Variants in ANXA4 observed in about 807,000 individuals in gnomAD.
ANXA4 encodes 35-beta calcimedin.
ANXA4 carries 39 observed loss-of-function variants against 49.8 expected under a neutral mutation model. The ratio of observed to expected loss-of-function variants is 0.78; its 90% CI spans 0.61 to 1.02. The LOEUF (loss-of-function observed/expected upper bound fraction) is 1.02, where lower values mean the gene tolerates loss of function less well. ANXA4 is among the 50% of genes least tolerant of loss of function. ANXA4 has a pLI of 0.00. For missense variants in ANXA4, 360 were observed against 410.1 expected, an observed-to-expected ratio of 0.88 and a Z score of 1.05; for synonymous variants, 134 against 152.5, an observed-to-expected ratio of 0.88 and a Z score of 0.89.
intron 1 of ANXA4, among the ~76,000 whole-genome samples, chr2:69,772,973 T>C (rs903486467): frequency 6.6e-6 from 1 of 151,404 alleles, no homozygotes; most frequent in African/African-American, 2.4e-5. Context: ...GCCGAGATCA[T>C]GCCACTGCAC....
At chr2:69,787,882 G>C (rs994060275) in intron 2 of ANXA4, among the ~76,000 whole-genome samples, 172 bp from the exon 3 acceptor site, 2 of 152,230 alleles carry the variant, frequency 1.3e-5, no homozygotes, top group Non-Finnish European at 2.9e-5. Flanking sequence ...CCATGAGCTA[G>C]AGCATCAGTC....
chr2:69,779,939 G>A (rs1324244860), intron 1 of ANXA4, among the ~76,000 whole-genome samples: 6 of 152,168 alleles, frequency 3.9e-5, no homozygotes, highest in Admixed American at 2.6e-4. Flanking sequence ...CCAGGTAATA[G>A]GGGGTAAGTC....
rs769069858 is a variant in ANXA4 at position 69,651,824 on chromosome 2, G to C, written n.482-1174G>C. 1.1e-3 allele frequency among the ~76,000 whole-genome samples: 55 copies of C among 51,766 alleles called. 2 individuals carry two copies. The highest frequency in any genetic ancestry group is 1.5e-3 in the African/African-American group (17 of 11,560). The allele number at this position is 51,766 out of a possible 152,430, so 34.0% of individuals were successfully genotyped here. Reference sequence around the variant, plus strand: ...GCTTTTTTTTTTTTTTTTTGGGGGGGGGGGGCGGGGAGACAGAGTCTCACT... The same window carrying C: ...GCTTTTTTTTTTTTTTTTTGGGGGGCGGGGGCGGGGAGACAGAGTCTCACT... On this transcript the variant is annotated intron_variant and non_coding_transcript_variant, in intron 1 of 3. Coordinates refer to the ANXA4 transcript ENST00000418066.
intron 2 of ANXA4, among the ~76,000 whole-genome samples, chr2:69,656,401 GTA>G (rs1224725900): frequency 1.5e-5 from 2 of 135,212 alleles, no homozygotes; most frequent in African/African-American, 2.8e-5. Flanking sequence ...GTATATATAT[GTA>G]TATATATGTA....
chr2:69,646,216 G>A (rs1386724131), intron 1 of ANXA4, among the ~76,000 whole-genome samples: 2 of 152,122 alleles, frequency 1.3e-5, no homozygotes, highest in African/African-American at 2.4e-5. Context: ...TTTAGTTCCT[G>A]AGTACAAAAT....
At chr2:69,814,304 CAG>C (rs932508591) in intron 8 of ANXA4, among the ~76,000 whole-genome samples, 4 of 149,028 alleles carry the variant, frequency 2.7e-5, no homozygotes, top group African/African-American at 5.0e-5. Context: ...GATCTAGCCT[CAG>C]AGATCAGTGT....
intron 3 of ANXA4, among the ~76,000 whole-genome samples, chr2:69,801,883 C>T (rs1457171249): frequency 6.6e-6 from 1 of 152,108 alleles, no homozygotes; most frequent in Non-Finnish European, 1.5e-5. Flanking sequence ...GACCCACAGG[C>T]ACTGGCTGGG....
chr2:69,670,610 A>G (rs766230392), intron 2 of ANXA4, among the ~76,000 whole-genome samples: 15 of 152,116 alleles, frequency 9.9e-5, no homozygotes, highest in Non-Finnish European at 1.3e-4. Context: ...CCAGAAATTG[A>G]CCTATGGATA....
chr2:69,741,984 C>G (rs1202572206), upstream of ANXA4: 1 of 152,286 alleles, frequency 6.6e-6, no homozygotes, highest in African/African-American at 2.4e-5. Context: ...GCGCGGCCGT[C>G]CCGGCCCGGG....
chr2:69,817,700 G>C (rs371931056), intron 9 of ANXA4: 1 of 152,180 alleles, frequency 6.6e-6, no homozygotes, highest in Non-Finnish European at 1.5e-5. Context: ...CTAAAGCAGA[G>C]TTTCTGAAGT....
intron 12 of ANXA4, among the ~76,000 whole-genome samples, chr2:69,821,723 A>T (rs899491702): frequency 1.3e-5 from 2 of 152,028 alleles, no homozygotes; most frequent in African/African-American, 4.8e-5. Flanking sequence ...AAGTGCTGGG[A>T]TTACAGGTGT....
chr2:69,748,679 A>G (rs965577460), intron 1 of ANXA4, among the ~76,000 whole-genome samples: 4 of 150,644 alleles, frequency 2.7e-5, no homozygotes, highest in African/African-American at 9.8e-5. Flanking sequence ...TTAATATTCC[A>G]GTGGGGTGCA....
intron 1 of ANXA4, among the ~76,000 whole-genome samples, chr2:69,763,913 G>A (rs575645801): frequency 2.0e-5 from 3 of 151,930 alleles, no homozygotes; most frequent in Non-Finnish European, 4.4e-5. Flanking sequence ...TGCCCTCCTC[G>A]GCCTCCCAAA....
At chr2:69,812,495 C>T (rs878908448) in intron 7 of ANXA4, among the ~76,000 whole-genome samples, 158 bp from the exon 8 acceptor site, 1 of 152,146 alleles carries the variant, frequency 6.6e-6, no homozygotes, top group African/African-American at 2.4e-5. Flanking sequence ...TGTAATAATG[C>T]GAGCGCATTT....
At chr2:69,816,985 T>C (rs1049068083) in intron 9 of ANXA4, 3 of 152,198 alleles carry the variant, frequency 2.0e-5, no homozygotes, top group Non-Finnish European at 4.4e-5. Flanking sequence ...AAGTTGTAAT[T>C]ATTTCAGGTT....
At chr2:69,797,268 A>T (rs1182064510) in intron 3 of ANXA4, among the ~76,000 whole-genome samples, 2 of 151,998 alleles carry the variant, frequency 1.3e-5, no homozygotes, top group South Asian at 2.1e-4. Flanking sequence ...ACAGTAGGAG[A>T]GTCCTCCTGG....
chr2:69,798,143 G>A (rs1184588682), intron 3 of ANXA4, among the ~76,000 whole-genome samples: 1 of 152,126 alleles, frequency 6.6e-6, no homozygotes, highest in African/African-American at 2.4e-5. Context: ...CATTTACTGG[G>A]GGGAAAATAA....
intron 1 of ANXA4, among the ~76,000 whole-genome samples, chr2:69,776,220 C>A (rs188348649): frequency 1.9e-3 from 290 of 152,206 alleles, no homozygotes; most frequent in African/African-American, 6.5e-3. Context: ...AGGTGATCTA[C>A]CCACCTCAGC....
At chr2:69,668,105 G>A (rs1043998755) in intron 2 of ANXA4, among the ~76,000 whole-genome samples, 1 of 152,220 alleles carries the variant, frequency 6.6e-6, no homozygotes, top group Non-Finnish European at 1.5e-5. Flanking sequence ...AAGGCAAAGA[G>A]TGTGGAGCCG....
Sources: allele counts gnomAD v4.1 joint callset (sites outside exome capture counted in the v4.1 genomes callset), GRCh38; gene constraint gnomAD v4.1.1; transcripts MANE v1.5; gene names NCBI Gene and HGNC (gene_info 2026-07-23, HGNC 2026-07-21).